Variants in FANCM observed in about 807,000 individuals in gnomAD.
FANCM encodes FA complementation group M, also known as Fanconi anemia group M protein.
A neutral mutation model predicts 199.5 loss-of-function variants in FANCM; 140 were observed. The observed-to-expected ratio is 0.70, with a 90% CI of 0.61 to 0.81. The LOEUF is 0.81. Among genes scored for constraint, FANCM ranks in the 30% least tolerant of loss-of-function variants. The pLI is 0.00. For missense variants in FANCM, 2,410 were observed against 2,421.4 expected (o/e 1.00, Z 0.10); for synonymous variants, 840 against 836.8 (o/e 1.00, Z -0.07).
chr14:45,136,959 T>C (rs1885560453), intron 1 of FANCM, 110 bp from the exon 2 acceptor site: 1 of 853,850 alleles, frequency 1.2e-6, no homozygotes, highest in Non-Finnish European at 1.9e-6. Flanking sequence ...TCAAATTGTT[T>C]TTCTCTTAAT....
intron 9 of FANCM, 38 bp from the exon 10 acceptor site, chr14:45,164,321 A>G (rs1887809383): frequency 6.7e-7 from 1 of 1,488,452 alleles, no homozygotes; most frequent in Admixed American, 1.7e-5. Context: ...GTTCTCTTAC[A>G]TTTGCATGTA....
At chr14:45,183,039 A>G (rs776931278) in intron 16 of FANCM, among the ~76,000 whole-genome samples, 10 of 152,182 alleles carry the variant, frequency 6.6e-5, no homozygotes, top group Non-Finnish European at 7.4e-5. Flanking sequence ...GGAGAGGTCG[A>G]AAAATCATTA....
At position 45,166,155 on chromosome 14, in the gene FANCM, G is replaced by A. The variant is rs184198293; in HGVS notation, c.1789-795G>A. Among the ~76,000 whole-genome samples the A allele has an allele frequency of 2.7e-3, 410 of 150,990 alleles. 2 individuals are homozygous for A. The highest frequency in any genetic ancestry group is 5.4e-3 in the South Asian group (26 of 4,788). On this transcript the variant is annotated intron_variant, in intron 10 of 22. Transcript: ENST00000267430. ...TTAAAAAAAAAAAAACAAAAAAAAC[G>A]GAGTCTTGCTGTGTCACCCAGGCTG...
intron 20 of FANCM, among the ~76,000 whole-genome samples, chr14:45,191,123 C>T (rs954885001): frequency 6.6e-6 from 1 of 152,140 alleles, no homozygotes; most frequent in Non-Finnish European, 1.5e-5. Flanking sequence ...CTTGCTTTTT[C>T]ATATATGACG....
At chr14:45,188,016 G>C in intron 19 of FANCM, 129 bp downstream of exon 19, 2 of 664,374 alleles carry the variant, frequency 3.0e-6, no homozygotes, top group Non-Finnish European at 5.5e-6. Flanking sequence ...TCTGCCCAAA[G>C]TCAGGAAGCT....
rs533649033 is a variant in FANCM, at chr14:45,197,512, T to C, written c.5716+965T>C. Among the ~76,000 whole-genome samples the C allele has an allele frequency of 7.2e-5, 11 of 151,822 alleles. No homozygotes were observed. In the East Asian group the frequency reaches 1.9e-3, roughly 27 times the overall value. The stretch of plus-strand genomic sequence containing the variant: ...CAGAGTCTCGCTCTGTTGCCCAGGC[T>C]GGAGTGCAGTGGCATGATCTCGGCT... On this transcript the variant is annotated intron_variant, in intron 21 of 22. Transcript: ENST00000267430.
intron 11 of FANCM, among the ~76,000 whole-genome samples, chr14:45,169,293 C>T (rs1888187117): frequency 6.6e-6 from 1 of 151,670 alleles, no homozygotes; most frequent in African/African-American, 2.4e-5. Flanking sequence ...GATGTCAGGT[C>T]TGAAAGGGGC....
In FANCM at chr14:45,164,359, G is replaced by T. The variant is rs752732643; in HGVS notation, c.1582G>T (p.Val528Leu). 2 of 1,609,004 alleles carry T rather than the reference G, an allele frequency of 1.2e-6. No individual in the cohort carries two copies. The highest frequency in any genetic ancestry group is 1.7e-6 in the Non-Finnish European group (2 of 1,176,730). ...KGFTQKEQLE[V>L]VKQFRDGGYN... is the part of the protein sequence containing the mutation. ...TATTTTTCAATTGTTTTTATTTTAG[G>T]TAGTGAAACAGTTTCGTGACGGTGG... is the stretch of plus-strand genomic sequence containing the variant. The change falls in exon 10 of 23, where the codon GTA becomes TTA. Residue 528 changes from valine to leucine, a missense_variant and splice_region_variant. By Grantham distance (32) the Val-to-Leu change is conservative (BLOSUM62 1). Transcript: ENST00000267430.
intron 14 of FANCM, among the ~76,000 whole-genome samples, chr14:45,179,123 T>G (rs1888898502): frequency 6.6e-6 from 1 of 152,046 alleles, no homozygotes; most frequent in Non-Finnish European, 1.5e-5. Context: ...CACTTGAACC[T>G]GGGAGGCAGA....
At chr14:45,192,044 A>T (rs1332653553) in intron 20 of FANCM, among the ~76,000 whole-genome samples, 1 of 151,952 alleles carries the variant, frequency 6.6e-6, no homozygotes, top group Non-Finnish European at 1.5e-5. Context: ...ATTCATTTTT[A>T]AAAATTAAAT....
chr14:45,160,965 A>G (rs150656305), intron 9 of FANCM, among the ~76,000 whole-genome samples: 1 of 152,134 alleles, frequency 6.6e-6, no homozygotes, highest in African/African-American at 2.4e-5. Context: ...AAGTCAGATT[A>G]TACATATTTT....
intron 4 of FANCM, among the ~76,000 whole-genome samples, chr14:45,151,013 C>G (rs1886780404): frequency 6.6e-6 from 1 of 152,192 alleles, no homozygotes; most frequent in African/African-American, 2.4e-5. Flanking sequence ...CTACAAATAT[C>G]TGCTGAGGAC....
In FANCM at chr14:45,175,566, G is replaced by A. The variant is rs2139243991; in HGVS notation, c.2812G>A (p.Ala938Thr). The change falls in exon 14 of 23, where the codon GCT (alanine) becomes ACT (threonine). Residue 938 changes from alanine (A) to threonine (T), a missense_variant. Transcript: ENST00000267430. ...QFTNKSTSSL[A>T]GNVLDSGYNS... ...TACAAATAAATCCACTAGTTCACTTGCTGGAAATGTTTTAGATTCTGGTTA... is the reference window on the plus strand; with the variant it reads ...TACAAATAAATCCACTAGTTCACTTACTGGAAATGTTTTAGATTCTGGTTA... 2 of 1,613,446 alleles carry A rather than the reference G, an allele frequency of 1.2e-6. No individual in the cohort carries two copies. The highest frequency in any genetic ancestry group is 1.7e-6 in the Non-Finnish European group (2 of 1,179,602).
rs932577451 is a variant in FANCM at position 45,185,342 on chromosome 14, T to A, written c.4641T>A (p.Asn1547Lys). The change falls in exon 18 of 23, where the codon AAT becomes AAA. Residue 1547 changes from asparagine to lysine, a missense_variant. By Grantham distance (94) the Asn-to-Lys change is moderately conservative. Transcript: ENST00000267430. ...EQDSSLLDFLNDETQLSQAIN... is the reference protein window; with the variant it reads ...EQDSSLLDFLKDETQLSQAIN... ...ATTCCTCATTACTTGACTTTTTAAA[T>A]GATGAAACTCAACTTTCACAGGCTA... 6.3e-6 allele frequency: 10 copies of A among 1,594,540 alleles called. No individual in the cohort carries two copies. The highest frequency in any genetic ancestry group is 1.3e-5 in the African/African-American group (1 of 74,372).
intron 5 of FANCM, among the ~76,000 whole-genome samples, chr14:45,152,847 G>C (rs1462667399): frequency 6.6e-6 from 1 of 152,114 alleles, no homozygotes. Context: ...TATAGTATCT[G>C]GGGAAGCACT....
intron 3 of FANCM, among the ~76,000 whole-genome samples, chr14:45,148,238 A>AG: frequency 8.0e-6 from 1 of 124,740 alleles, no homozygotes. Context: ...CACACACAAA[A>AG]CAACTTTTAA....
At chr14:45,194,452 T>G (rs907093551) in intron 20 of FANCM, among the ~76,000 whole-genome samples, 5 of 152,216 alleles carry the variant, frequency 3.3e-5, no homozygotes, top group Admixed American at 3.3e-4. Context: ...TTAGATACTT[T>G]TATATTTTTA....
intron 21 of FANCM, among the ~76,000 whole-genome samples, chr14:45,197,720 C>T (rs1853183497): frequency 6.7e-6 from 1 of 150,088 alleles, no homozygotes; most frequent in Non-Finnish European, 1.5e-5. Context: ...CTGCCTCAGC[C>T]TTCCAAAGTG....
chr14:45,166,152 A>T (rs946031135), intron 10 of FANCM, among the ~76,000 whole-genome samples: 1 of 151,764 alleles, frequency 6.6e-6, no homozygotes, highest in Non-Finnish European at 1.5e-5. Context: ...AAACAAAAAA[A>T]ACGGAGTCTT....
Sources: allele counts gnomAD v4.1 joint callset (sites outside exome capture counted in the v4.1 genomes callset), GRCh38; gene constraint gnomAD v4.1.1; transcripts MANE v1.5; gene names NCBI Gene and HGNC (gene_info 2026-07-23, HGNC 2026-07-21).